Variants in PTPRG observed in about 807,000 individuals in gnomAD.
PTPRG encodes the protein protein tyrosine phosphatase receptor type G, also known as receptor-type tyrosine-protein phosphatase gamma.
A neutral mutation model predicts 165.3 loss-of-function variants in PTPRG; 102 were observed. The ratio of observed to expected loss-of-function variants is 0.62; its 90% CI spans 0.53 to 0.73. The LOEUF is 0.73. PTPRG is among the 30% of genes least tolerant of loss of function. PTPRG has a pLI of 0.00. For synonymous variants in PTPRG, 675 were observed against 669.5 expected (o/e 1.01, Z -0.13); for missense variants, 1,866 against 1,861.4 (o/e 1.00, Z -0.05).
At chr3:62,105,162 A>G (rs1702429900) in intron 5 of PTPRG, among the ~76,000 whole-genome samples, 1 of 152,210 alleles carries the variant, frequency 6.6e-6, no homozygotes, top group South Asian at 2.1e-4. Context: ...TGTTGGGGGA[A>G]TGAAACAGTT....
At chr3:61,980,242 C>CT (rs2040609373) in intron 2 of PTPRG, among the ~76,000 whole-genome samples, 1 of 152,180 alleles carries the variant, frequency 6.6e-6, no homozygotes, top group Non-Finnish European at 1.5e-5. Flanking sequence ...ATAGTGCGTG[C>CT]TCACCTCAGC....
intron 1 of PTPRG, among the ~76,000 whole-genome samples, chr3:61,588,992 G>A (rs1355299175): frequency 1.3e-5 from 2 of 151,888 alleles, no homozygotes; most frequent in Non-Finnish European, 2.9e-5. Flanking sequence ...CTGTAAAACA[G>A]GGGTCAGCAA....
Position 62,214,741 on chromosome 3 carries a change from C to T in PTPRG, c.2156-4110C>T, listed in dbSNP as rs530655546. 3.9e-5 allele frequency among the ~76,000 whole-genome samples: 6 copies of T among 152,272 alleles called. 1 individual carries two copies. Among genetic ancestry groups the T allele is most frequent in the African/African-American group, 1.4e-4 (6 of 41,562 alleles). ...CTTACATGCACCTTCTCATTGAATT[C>T]CCCAACAGTCCTATGAAGTAGGCTC... On this transcript the variant is annotated intron_variant, in intron 12 of 29. Coordinates refer to ENST00000474889, the MANE Select transcript of PTPRG (RefSeq NM_002841.4). The surrounding 1 kb of genome is among the most constrained non-coding windows in gnomAD (Gnocchi z 5.2).
intron 5 of PTPRG, among the ~76,000 whole-genome samples, chr3:62,130,890 C>G (rs78632738): frequency 6.6e-6 from 1 of 152,062 alleles, no homozygotes; most frequent in Non-Finnish European, 1.5e-5. Context: ...TATGCCAACT[C>G]CCAGAATTCC....
intron 1 of PTPRG, among the ~76,000 whole-genome samples, chr3:61,572,858 T>A (rs1700088791): frequency 6.6e-6 from 1 of 152,188 alleles, no homozygotes; most frequent in Admixed American, 6.5e-5. Context: ...CCTGGAGGTG[T>A]TTGTCACCCA....
chr3:61,937,892 T>C (rs1056329640), intron 2 of PTPRG, among the ~76,000 whole-genome samples: 1 of 151,948 alleles, frequency 6.6e-6, no homozygotes, highest in Non-Finnish European at 1.5e-5. Context: ...AAGAAGCTTT[T>C]AAGCTGTAAA....
At chr3:62,126,975 A>G (rs568927307) in intron 5 of PTPRG, among the ~76,000 whole-genome samples, 10 of 152,324 alleles carry the variant, frequency 6.6e-5, no homozygotes, top group African/African-American at 9.6e-5. Flanking sequence ...CTACATTTCT[A>G]TATCAGAAAC....
intron 1 of PTPRG, among the ~76,000 whole-genome samples, chr3:61,600,200 G>GTGTGTGTGTC (rs1700824049): frequency 1.3e-5 from 2 of 149,390 alleles, no homozygotes; most frequent in Admixed American, 6.7e-5. Context: ...ATATGTGTGT[G>GTGTGTGTGTC]TGTGTGTGTG....
intron 15 of PTPRG, among the ~76,000 whole-genome samples, chr3:62,250,650 T>C (rs530224863): frequency 6.6e-6 from 1 of 152,198 alleles, no homozygotes; most frequent in Non-Finnish European, 1.5e-5. Flanking sequence ...GTACGGCCGA[T>C]ACATAACTGT....
rs185179298 is a variant in PTPRG, at chr3:62,158,393, C to T, written c.840+1169C>T. ...GATTTGAGCCATTAACCAAGACTGT[C>T]CAAAACTGGAAGGTACTTAGGATGT... On this transcript the variant is annotated intron_variant, in intron 7 of 29. Transcript: ENST00000474889. Among the ~76,000 whole-genome samples, 180 of 152,316 alleles carry T rather than the reference C, an allele frequency of 1.2e-3. 3 individuals carry two copies. The highest frequency in any genetic ancestry group is 4.1e-3 in the African/African-American group (169 of 41,566).
At chr3:62,044,288 C>G (rs1176917635) in intron 4 of PTPRG, among the ~76,000 whole-genome samples, 1 of 152,322 alleles carries the variant, frequency 6.6e-6, no homozygotes, top group South Asian at 2.1e-4. Flanking sequence ...CCTGTAATCC[C>G]AGCACTTTGG....
At chr3:61,747,352 T>TG (rs1330200180) in intron 1 of PTPRG, among the ~76,000 whole-genome samples, 3 of 152,186 alleles carry the variant, frequency 2.0e-5, no homozygotes, top group African/African-American at 7.2e-5. Context: ...GAAGGATTAA[T>TG]GGGGAATAAT....
chr3:61,953,793 T>C (rs1306426431), intron 2 of PTPRG, among the ~76,000 whole-genome samples: 1 of 152,198 alleles, frequency 6.6e-6, no homozygotes, highest in Admixed American at 6.5e-5. Flanking sequence ...AAAACCCTTC[T>C]GTGTATGTAG....
intron 2 of PTPRG, among the ~76,000 whole-genome samples, chr3:61,799,318 G>A (rs1268189953): frequency 2.0e-5 from 3 of 152,092 alleles, no homozygotes; most frequent in Admixed American, 6.5e-5. Flanking sequence ...TACAAAGCCA[G>A]CCTTCCCTTC....
chr3:61,894,853 A>G (rs192966997), intron 2 of PTPRG, among the ~76,000 whole-genome samples: 15 of 151,298 alleles, frequency 9.9e-5, no homozygotes, highest in African/African-American at 2.2e-4. Context: ...TTTTTTTTTT[A>G]ATTGTATGTT....
chr3:62,069,876 C>T (rs1374683838), intron 4 of PTPRG, among the ~76,000 whole-genome samples: 1 of 152,134 alleles, frequency 6.6e-6, no homozygotes, highest in Non-Finnish European at 1.5e-5. Context: ...GACCTCAGGT[C>T]TTCAGCTGAT....
intron 9 of PTPRG, among the ~76,000 whole-genome samples, chr3:62,194,277 G>T (rs1004432224): frequency 6.6e-6 from 1 of 152,150 alleles, no homozygotes; most frequent in African/African-American, 2.4e-5. Flanking sequence ...TCTGTTGCTC[G>T]GTGTGGTCTA....
chr3:62,105,294 A>G (rs1042017269), intron 5 of PTPRG, among the ~76,000 whole-genome samples: 1 of 152,190 alleles, frequency 6.6e-6, no homozygotes, highest in African/African-American at 2.4e-5. Context: ...AAATAGCTAT[A>G]TTAATGTTCT....
chr3:62,230,688 A>G (rs924565876), intron 13 of PTPRG, among the ~76,000 whole-genome samples: 1 of 152,182 alleles, frequency 6.6e-6, no homozygotes, highest in African/African-American at 2.4e-5. Context: ...TGCCTCTCCT[A>G]TTTATTCTCC....
Sources: allele counts gnomAD v4.1 joint callset (sites outside exome capture counted in the v4.1 genomes callset), GRCh38; gene constraint gnomAD v4.1.1; non-coding constraint Gnocchi (gnomAD v3.1); transcripts MANE v1.5; gene names NCBI Gene and HGNC (gene_info 2026-07-23, HGNC 2026-07-21).